PDE7B: variants seen among roughly 807,000 people sequenced by gnomAD.
The protein encoded by PDE7B is 3',5'-cyclic-AMP phosphodiesterase 7B.
Under a neutral mutation model 56.2 loss-of-function variants are expected in PDE7B, and 29 were observed. The observed-to-expected ratio is 0.52, with a 90% CI of 0.38 to 0.70. The LOEUF is 0.70. Among genes scored for constraint, PDE7B ranks in the 30% least tolerant of loss-of-function variants. The pLI, the probability that PDE7B is intolerant of heterozygous loss-of-function variation, is 0.00. For synonymous variants in PDE7B, 197 were observed against 196.9 expected (o/e 1.00, Z 0.00); for missense variants, 490 against 565.0 (o/e 0.87, Z 1.35).
At chr6:135,895,731 G>C (rs1207990854) in intron 1 of PDE7B, among the ~76,000 whole-genome samples, 1 of 152,060 alleles carries the variant, frequency 6.6e-6, no homozygotes, top group African/African-American at 2.4e-5. Context: ...GTAAATAAAG[G>C]CTTCTGTTGT....
At chr6:136,086,964 G>C (rs976851942) in intron 2 of PDE7B, among the ~76,000 whole-genome samples, 4 of 152,200 alleles carry the variant, frequency 2.6e-5, no homozygotes, top group African/African-American at 9.6e-5. Context: ...TTCTGGGGGA[G>C]AGAGCGCCTT....
chr6:136,053,958 T>C (rs1416828942), intron 2 of PDE7B, among the ~76,000 whole-genome samples: 11 of 152,100 alleles, frequency 7.2e-5, no homozygotes, highest in African/African-American at 2.4e-4. Context: ...GATATTAGCC[T>C]TTTGTCAGAT....
At chr6:136,161,823 T>G (rs1019664021) in intron 8 of PDE7B, among the ~76,000 whole-genome samples, 1 of 152,128 alleles carries the variant, frequency 6.6e-6, no homozygotes, top group Non-Finnish European at 1.5e-5. Flanking sequence ...ATTTACCTAT[T>G]TAAGTGGCAC....
At chr6:136,016,149 T>C (rs953019415) in intron 2 of PDE7B, among the ~76,000 whole-genome samples, 2 of 152,204 alleles carry the variant, frequency 1.3e-5, no homozygotes, top group Admixed American at 1.3e-4. Flanking sequence ...CTCTAATACG[T>C]AGGAAAGTAT....
At chr6:136,004,113 C>G (rs77788125) in intron 2 of PDE7B, among the ~76,000 whole-genome samples, 45,766 of 151,116 alleles carry the variant, frequency 0.3, 7,434 homozygotes, top group Admixed American at 0.42. Context: ...ACATGATTAT[C>G]TCAATAGATG....
chr6:135,967,669 C>A (rs867859034), intron 2 of PDE7B, among the ~76,000 whole-genome samples: 1 of 152,196 alleles, frequency 6.6e-6, no homozygotes, highest in Admixed American at 6.5e-5. Flanking sequence ...ATGTCCATAA[C>A]TGTCCTTCAT....
At chr6:135,866,177 C>T (rs1009014670) in intron 1 of PDE7B, among the ~76,000 whole-genome samples, 1 of 151,970 alleles carries the variant, frequency 6.6e-6, no homozygotes, top group Admixed American at 6.6e-5. Flanking sequence ...TTCCTCTCAC[C>T]ACCACCATTC....
intron 1 of PDE7B, among the ~76,000 whole-genome samples, chr6:135,852,444 G>A (rs911980378): frequency 3.9e-5 from 6 of 152,140 alleles, no homozygotes; most frequent in Admixed American, 1.3e-4. Flanking sequence ...AGGGAAGAAG[G>A]AAATTAGTTT....
At chr6:136,021,397 C>A (rs1776068155) in intron 2 of PDE7B, among the ~76,000 whole-genome samples, 1 of 152,176 alleles carries the variant, frequency 6.6e-6, no homozygotes, top group Non-Finnish European at 1.5e-5. Flanking sequence ...GTAATCCCAG[C>A]ACTTTGGGAG....
chr6:135,944,012 A>G (rs971944548), intron 1 of PDE7B, among the ~76,000 whole-genome samples: 1 of 152,168 alleles, frequency 6.6e-6, no homozygotes, highest in African/African-American at 2.4e-5. Flanking sequence ...GGCACAAACA[A>G]GGCAAGTTGG....
intron 2 of PDE7B, among the ~76,000 whole-genome samples, chr6:136,024,323 C>T (rs897608285): frequency 2.6e-5 from 4 of 152,174 alleles, no homozygotes; most frequent in African/African-American, 9.7e-5. Context: ...AGCAGCCGAT[C>T]GCCTCCAGGG....
chr6:136,046,652 G>A (rs1452154959), intron 2 of PDE7B, among the ~76,000 whole-genome samples: 1 of 152,164 alleles, frequency 6.6e-6, no homozygotes, highest in Non-Finnish European at 1.5e-5. Flanking sequence ...GGTATCAGGA[G>A]TAGACTTTGC....
At chr6:135,925,528 G>A (rs1425341551) in intron 1 of PDE7B, among the ~76,000 whole-genome samples, 1 of 151,906 alleles carries the variant, frequency 6.6e-6, no homozygotes, top group Non-Finnish European at 1.5e-5. Flanking sequence ...AGTTTTTTGA[G>A]AACTATTTCA....
chr6:136,008,913 C>G (rs1460045194), intron 2 of PDE7B, among the ~76,000 whole-genome samples: 1 of 152,140 alleles, frequency 6.6e-6, no homozygotes, highest in Admixed American at 6.5e-5. Context: ...CTTGCCCATG[C>G]CTATGCCCTT....
chr6:136,040,695 G>A (rs867295684), intron 2 of PDE7B, among the ~76,000 whole-genome samples: 2 of 151,732 alleles, frequency 1.3e-5, no homozygotes, highest in Non-Finnish European at 2.9e-5. Context: ...GTGCTCCCTC[G>A]CTCTCTCTCT....
intron 2 of PDE7B, among the ~76,000 whole-genome samples, chr6:135,986,179 G>T (rs1205754217): frequency 6.6e-6 from 1 of 152,154 alleles, no homozygotes; most frequent in Non-Finnish European, 1.5e-5. Context: ...TGTGGGTAAG[G>T]CTCATTGATA....
intron 2 of PDE7B, among the ~76,000 whole-genome samples, chr6:136,078,430 A>C (rs1320027653): frequency 6.6e-6 from 1 of 151,916 alleles, no homozygotes; most frequent in African/African-American, 2.4e-5. Context: ...TTCCCCTTCT[A>C]CTCCTGCTAG....
At chr6:136,092,483 G>A (rs758126236) in intron 2 of PDE7B, among the ~76,000 whole-genome samples, 35 of 152,300 alleles carry the variant, frequency 2.3e-4, no homozygotes, top group Middle Eastern at 3.4e-3. Flanking sequence ...AGTGAAGGCC[G>A]GGTACGATGG....
chr6:136,065,101 C>A (rs1213100952), intron 2 of PDE7B, among the ~76,000 whole-genome samples: 2 of 152,112 alleles, frequency 1.3e-5, no homozygotes, highest in East Asian at 1.9e-4. Flanking sequence ...TCTACTTGAA[C>A]CTCTCTGGGA....
Sources: allele counts gnomAD v4.1 joint callset (sites outside exome capture counted in the v4.1 genomes callset), GRCh38; gene constraint gnomAD v4.1.1; transcripts MANE v1.5; gene names NCBI Gene and HGNC (gene_info 2026-07-23, HGNC 2026-07-21).